The following CHML variants were observed in gnomAD, a reference collection of about 807,000 sequenced individuals.
The protein encoded by CHML is rab proteins geranylgeranyltransferase component A 2.
Under a neutral mutation model 30.4 loss-of-function variants are expected in CHML, and 20 were observed. The observed-to-expected ratio is 0.66, with a 90% CI of 0.46 to 0.95. The LOEUF is 0.95. Among genes scored for constraint, CHML ranks in the 40% least tolerant of loss-of-function variants. The pLI is 0.00. For missense variants in CHML, 795 were observed against 768.5 expected (o/e 1.03, Z -0.41); for synonymous variants, 281 against 275.0 (o/e 1.02, Z -0.22).
At chr1:241,638,899 T>A (rs1665003897) in intron 1 of CHML, among the ~76,000 whole-genome samples, 1 of 152,184 alleles carries the variant, frequency 6.6e-6, no homozygotes, top group Non-Finnish European at 1.5e-5. Flanking sequence ...CAATAAAGTA[T>A]CAATGGATTT....
At chr1:241,639,799 G>A (rs1665044817) in intron 1 of CHML, 83 bp downstream of exon 1, 5 of 1,284,058 alleles carry the variant, frequency 3.9e-6, no homozygotes, top group Admixed American at 3.3e-5. Flanking sequence ...GGGGCGGGCT[G>A]GGGGGCGGAC....
chr1:241,640,292 A>G lies in CHML; in HGVS notation c.-718T>C. The G allele has an allele frequency of 8.8e-7, 1 of 1,142,706 alleles. No individual in the cohort carries two copies. The highest frequency in any genetic ancestry group is 3.6e-4 in the Middle Eastern group (1 of 2,744). 70.8% of individuals were successfully genotyped at this position (1,142,706 alleles called of 1,614,324 possible). On this transcript the variant is annotated 5_prime_UTR_variant, in exon 1 of 2. The change abolishes the stop of an existing upstream ORF in the 5' untranslated region. Transcript: ENST00000366553. ...GCGCGCCTGGCGGGCGGAGGCGCTC[A>G]GCTTGCGGCGGGGCTCGCGGCGCGC...
Position 241,634,864 on chromosome 1 carries a change from G to A in CHML, c.903C>T (p.Leu301=). Residue 301 remains leucine, a synonymous_variant, in exon 2 of 2, where the codon CTC becomes CTT. Transcript: ENST00000366553. Reference sequence around the variant, plus strand: ...GTTGTTCATACTCTAAACAAAATGTGAGAAATTTCATTAGCATCCTCTTTT... The same window carrying A: ...GTTGTTCATACTCTAAACAAAATGTAAGAAATTTCATTAGCATCCTCTTTT... ...MVEKRMLMKF[L]TFCLEYEQHP... is the part of the protein sequence containing the mutation. The A allele has an allele frequency of 6.2e-7, 1 of 1,609,658 alleles. No homozygotes were observed. The highest frequency in any genetic ancestry group is 2.2e-5 in the East Asian group (1 of 44,850).
At position 241,634,502 on chromosome 1, in the gene CHML, A is replaced by C; in HGVS notation, c.1265T>G (p.Ile422Arg). 6.2e-7 allele frequency: 1 copy of C among 1,613,934 alleles called. No homozygotes were observed. The highest frequency in any genetic ancestry group is 2.2e-5 in the East Asian group (1 of 44,888). ...DKESGRCKAI[I>R]DHFGQRINAK... is the part of the protein sequence containing the mutation. ...ATTTATTCTTTGACCAAAGTGATCT[A>C]TAATTGCTTTACATCGTCCAGATTC... The change falls in exon 2 of 2, where the codon ATA becomes AGA. Residue 422 changes from isoleucine (I) to arginine (R), a missense_variant. Physicochemically the swap from Ile to Arg is moderately conservative, Grantham distance 97. Transcript: ENST00000366553.
In CHML at chr1:241,633,245, C is replaced by T. The variant is rs1262265558; in HGVS notation, c.*551G>A. ...GGATCATGCAAAGCTAATCTTTAAA[C>T]GATTATAGACAAATGTATTTTATTA... On this transcript the variant is annotated 3_prime_UTR_variant, in exon 2 of 2. Transcript: ENST00000366553. The T allele has an allele frequency of 6.4e-6, 1 of 155,322 alleles. No homozygotes were observed. The highest frequency in any genetic ancestry group is 1.9e-4 in the East Asian group (1 of 5,192). The allele number at this position is 155,322 out of a possible 1,614,324, so 9.6% of individuals were successfully genotyped here. A position where few individuals can be genotyped will look rare whatever the true frequency, so the allele number is the denominator to read the frequency against.
rs1416719553 is a variant in CHML, at chr1:241,636,312, A to C, written c.-307-239T>G. 2.0e-5 allele frequency among the ~76,000 whole-genome samples: 3 copies of C among 152,366 alleles called. No homozygotes were observed. In the East Asian group the frequency reaches 5.8e-4, roughly 29 times the overall value. ...ATAGAGAATGAACATAATGTTCCAC[A>C]AAAATAAAGAAGAAATAACATAATA... On this transcript the variant is annotated intron_variant, in intron 1 of 1. Transcript: ENST00000366553.
Position 241,632,223 on chromosome 1 carries a change from A to G in CHML, c.*1573T>C, listed in dbSNP as rs116757065. The G allele has an allele frequency of 0.027, 4,200 of 153,102 alleles. 150 individuals are homozygous for G. Among genetic ancestry groups the G allele is most frequent in the African/African-American group, 0.081 (3,383 of 41,536 alleles). The allele number at this position is 153,102 out of a possible 1,614,324, so 9.5% of individuals were successfully genotyped here. On this transcript the variant is annotated 3_prime_UTR_variant, in exon 2 of 2. Coordinates refer to ENST00000366553, the MANE Select transcript of CHML (RefSeq NM_001381853.1). ...TTCTCATTCTCTCTTGTCCACCGCC[A>G]TGTAAGACGTGCCTTTCACCTTCCA...
chr1:241,635,490 C>G lies in CHML; in HGVS notation c.277G>C (p.Asp93His). Residue 93 changes from aspartate to histidine, a missense_variant, in exon 2 of 2, where the codon GAT becomes CAT. Asp to His is a moderately conservative substitution (Grantham distance 81). Coordinates refer to ENST00000366553, the MANE Select transcript of CHML (RefSeq NM_001381853.1). ...TEEAITLRKK[D>H]ETIQHTEAFC... ...GCTTCTGTGTGTTGAATAGTTTCAT[C>G]CTTCTTGCGAAGAGTGATGGCTTCT... is the stretch of plus-strand genomic sequence containing the variant. The G allele has an allele frequency of 6.2e-7, 1 of 1,613,832 alleles. No homozygotes were observed. Among genetic ancestry groups the G allele is most frequent in the Non-Finnish European group, 8.5e-7 (1 of 1,179,936 alleles).
Position 241,634,518 on chromosome 1 carries a change from G to A in CHML, c.1249C>T (p.Arg417Ter), listed in dbSNP as rs777886665. 6.2e-6 allele frequency: 10 copies of A among 1,613,630 alleles called. No individual in the cohort carries two copies. Among genetic ancestry groups the A allele is most frequent in the African/African-American group, 4.0e-5 (3 of 74,860 alleles). Residue 417 changes from arginine to a stop codon, truncating the protein, a stop_gained, in exon 2 of 2, where the codon CGA becomes TGA. Transcript: ENST00000366553. LOFTEE classifies it high-confidence loss of function. ...QCFVVDKESG[R>*]CKAIIDHFGQ... ...AAGTGATCTATAATTGCTTTACATC[G>A]TCCAGATTCTTTGTCGACTACAAAG...
rs1445736446 is a variant in CHML, at chr1:241,633,017, G to C, written c.*779C>G. On this transcript the variant is annotated 3_prime_UTR_variant, in exon 2 of 2. Coordinates refer to ENST00000366553, the MANE Select transcript of CHML (RefSeq NM_001381853.1). ...ATTTTAAGTGCCAGGGCAGGGCTCTGCAGAAATTTTCTGAAGTATTAAATA... is the reference window on the plus strand; with the variant it reads ...ATTTTAAGTGCCAGGGCAGGGCTCTCCAGAAATTTTCTGAAGTATTAAATA... 1 of 152,076 alleles carries C rather than the reference G, an allele frequency of 6.6e-6. No homozygotes were observed. The highest frequency in any genetic ancestry group is 1.5e-5 in the Non-Finnish European group (1 of 68,008). The allele number at this position is 152,076 out of a possible 1,614,324, so 9.4% of individuals were successfully genotyped here.
In CHML at chr1:241,635,321, T is replaced by A; in HGVS notation, c.446A>T (p.Asn149Ile). The change falls in exon 2 of 2, where the codon AAT (asparagine) becomes ATT (isoleucine). Residue 149 changes from asparagine (N) to isoleucine (I), a missense_variant. By Grantham distance (149) the Asn-to-Ile change is moderately radical. Coordinates refer to ENST00000366553, the MANE Select transcript of CHML (RefSeq NM_001381853.1). The stretch of plus-strand genomic sequence containing the variant: ...GTGTTTTGCAGGCATTTCGTCGCTA[T>A]TAAAATACGATAACTGGCTTTCTTC... ...LPEESQLSYF[N>I]SDEMPAKHTQ... 6.2e-7 allele frequency: 1 copy of A among 1,614,032 alleles called. No individual in the cohort carries two copies. The highest frequency in any genetic ancestry group is 8.5e-7 in the Non-Finnish European group (1 of 1,179,926).
rs1473042037 is a variant in CHML, at chr1:241,630,785, AATG to A, written c.*3008_*3010del. On this transcript the variant is annotated 3_prime_UTR_variant, in exon 2 of 2. Transcript: ENST00000366553. Reference sequence around the variant, plus strand: ...CAGAGAAATAATTAAATCAAGGGTGAATGATGAATTTTTGAAAAGTTATCTGTA... The same window carrying A: ...CAGAGAAATAATTAAATCAAGGGTGAATGAATTTTTGAAAAGTTATCTGTA... The A allele has an allele frequency of 6.6e-6, 1 of 152,068 alleles. No homozygotes were observed. Among genetic ancestry groups the A allele is most frequent in the African/African-American group, 2.4e-5 (1 of 41,436 alleles). The allele number at this position is 152,068 out of a possible 1,614,324, so 9.4% of individuals were successfully genotyped here.
chr1:241,630,129 G>C lies in CHML; in HGVS notation c.*3667C>G, dbSNP rs962435562. The stretch of plus-strand genomic sequence containing the variant: ...TTAATCCCCACAATAATTCTGTGAA[G>C]TATTTCTCTTCTGTAGATGGTGAAA... On this transcript the variant is annotated 3_prime_UTR_variant, in exon 2 of 2. Coordinates refer to ENST00000366553, the MANE Select transcript of CHML (RefSeq NM_001381853.1). The C allele has an allele frequency of 2.0e-5, 3 of 152,018 alleles. No individual in the cohort carries two copies. The highest frequency in any genetic ancestry group is 2.0e-4 in the Admixed American group (3 of 15,258). The allele number at this position is 152,018 out of a possible 1,614,324, so 9.4% of individuals were successfully genotyped here. A position where few individuals can be genotyped will look rare whatever the true frequency, so the allele number is the denominator to read the frequency against.
chr1:241,634,693 G>A lies in CHML; in HGVS notation c.1074C>T (p.Asn358=), dbSNP rs757472891. ...ESSCTTIDGL[N]ATKNFLQCLG... ...GACACTGAAGGAAGTTTTTAGTTGC[G>A]TTAAGACCATCTATTGTAGTGCAAG... Residue 358 remains asparagine, a synonymous_variant, in exon 2 of 2, where the codon AAC becomes AAT. Coordinates refer to ENST00000366553, the MANE Select transcript of CHML (RefSeq NM_001381853.1). The A allele has an allele frequency of 2.5e-5, 41 of 1,613,830 alleles. No homozygotes were observed. The highest frequency in any genetic ancestry group is 3.1e-5 in the Non-Finnish European group (36 of 1,179,896).
At position 241,635,444 on chromosome 1, in the gene CHML, T is replaced by A; in HGVS notation, c.323A>T (p.Asp108Val). 6.2e-7 allele frequency: 1 copy of A among 1,613,926 alleles called. No homozygotes were observed. The highest frequency in any genetic ancestry group is 1.1e-5 in the South Asian group (1 of 91,066). Residue 108 changes from aspartate to valine, a missense_variant, in exon 2 of 2, where the codon GAT becomes GTT. By Grantham distance (152) the Asp-to-Val change is radical. Coordinates refer to ENST00000366553, the MANE Select transcript of CHML (RefSeq NM_001381853.1). ...AATCTCTTCAACGTTGTCCTCCATA[T>A]CCTGACTGGCGTAGCAAAAAGCTTC... ...HTEAFCYASQDMEDNVEEIGA... is the reference protein window; with the variant it reads ...HTEAFCYASQVMEDNVEEIGA...
In CHML at chr1:241,633,964, A is replaced by C. The variant is rs1367428426; in HGVS notation, c.1803T>G (p.Phe601Leu). The change falls in exon 2 of 2, where the codon TTT (phenylalanine) becomes TTG (leucine). Residue 601 changes from phenylalanine to leucine, a missense_variant. Physicochemically the swap from Phe to Leu is conservative, Grantham distance 22 (BLOSUM62 0). Coordinates refer to ENST00000366553, the MANE Select transcript of CHML (RefSeq NM_001381853.1). ...KQAETLFQEI[F>L]PTEEFCPPPP... ...GTGGAGGGCAGAATTCTTCAGTTGG[A>C]AAGATCTCCTGGAAAAGTGTTTCAG... 6.2e-7 allele frequency: 1 copy of C among 1,613,812 alleles called. No homozygotes were observed. The highest frequency in any genetic ancestry group is 1.3e-5 in the African/African-American group (1 of 74,890).
In CHML at chr1:241,634,304, G is replaced by A; in HGVS notation, c.1463C>T (p.Ala488Val). The change falls in exon 2 of 2, where the codon GCT (alanine) becomes GTT (valine). Residue 488 changes from alanine (A) to valine (V), a missense_variant. Coordinates refer to ENST00000366553, the MANE Select transcript of CHML (RefSeq NM_001381853.1). ...IVPPAEPGAC[A>V]VRVTELCSST... is the part of the protein sequence containing the mutation. ...AGAACATAATTCTGTGACCCGTACA[G>A]CACAAGCTCCTGGCTCTGCTGGAGG... The A allele has an allele frequency of 6.2e-7, 1 of 1,613,948 alleles. No homozygotes were observed. The highest frequency in any genetic ancestry group is 1.7e-5 in the Admixed American group (1 of 60,006).
chr1:241,629,675 G>T lies in CHML; in HGVS notation c.*4121C>A, dbSNP rs940481570. 6.6e-6 allele frequency: 1 copy of T among 151,986 alleles called. No individual in the cohort carries two copies. The highest frequency in any genetic ancestry group is 1.5e-5 in the Non-Finnish European group (1 of 67,920). 9.4% of individuals were successfully genotyped at this position (151,986 alleles called of 1,614,324 possible). A position where few individuals can be genotyped will look rare whatever the true frequency, so the allele number is the denominator to read the frequency against. Reference sequence around the variant, plus strand: ...ATGAAGTTCCTTTATACCACTATTGGTGTGAGACTTGTAGTATTTTTCTTT... The same window carrying T: ...ATGAAGTTCCTTTATACCACTATTGTTGTGAGACTTGTAGTATTTTTCTTT... On this transcript the variant is annotated 3_prime_UTR_variant, in exon 2 of 2. Transcript: ENST00000366553.
At position 241,633,637 on chromosome 1, in the gene CHML, G is replaced by T; in HGVS notation, c.*159C>A. On this transcript the variant is annotated 3_prime_UTR_variant, in exon 2 of 2. Transcript: ENST00000366553. ...AATCACTCATTGATAGGTTAACAAA[G>T]ATATTCAATGCTGAATGTCTGAGAG... 1 of 737,992 alleles carries T rather than the reference G, an allele frequency of 1.4e-6. No homozygotes were observed. Among genetic ancestry groups the T allele is most frequent in the Non-Finnish European group, 2.2e-6 (1 of 457,466 alleles). The allele number at this position is 737,992 out of a possible 1,614,324, so 45.7% of individuals were successfully genotyped here. A position where few individuals can be genotyped will look rare whatever the true frequency, so the allele number is the denominator to read the frequency against.
Sources: allele counts gnomAD v4.1 joint callset (sites outside exome capture counted in the v4.1 genomes callset), GRCh38; gene constraint gnomAD v4.1.1; transcripts MANE v1.5; gene names NCBI Gene and HGNC (gene_info 2026-07-23, HGNC 2026-07-21).